DPP10: variants seen among roughly 807,000 people sequenced by gnomAD.
DPP10 encodes inactive dipeptidyl peptidase 10.
Under a neutral mutation model 120.9 loss-of-function variants are expected in DPP10, and 33 were observed. The ratio of observed to expected loss-of-function variants is 0.27; its 90% CI spans 0.21 to 0.37. The LOEUF (loss-of-function observed/expected upper bound fraction) is 0.37, where lower values mean the gene tolerates loss of function less well. Ranked by LOEUF, DPP10 falls within the 10% of genes least tolerant of loss-of-function variation. The pLI is 1.00. For synonymous variants in DPP10, 337 were observed against 326.1 expected (o/e 1.03, Z -0.36); for missense variants, 816 against 942.8 (o/e 0.87, Z 1.76).
intron 3 of DPP10, among the ~76,000 whole-genome samples, chr2:115,392,076 C>A (rs999292179): frequency 1.3e-5 from 2 of 152,144 alleles, no homozygotes; most frequent in African/African-American, 4.8e-5. Flanking sequence ...TTCTTATGGT[C>A]ATTAAGGTCC....
chr2:115,684,474 C>T (rs979259628), intron 5 of DPP10, among the ~76,000 whole-genome samples: 10 of 151,824 alleles, frequency 6.6e-5, no homozygotes, highest in African/African-American at 1.5e-4. Flanking sequence ...TTCCTCTTAC[C>T]GGCATTTTTT....
In DPP10 at chr2:115,791,326, A is replaced by G. The variant is rs1001470267; in HGVS notation, c.1670A>G (p.Asp557Gly). 6 of 1,611,486 alleles carry G rather than the reference A, an allele frequency of 3.7e-6. No homozygotes were observed. The highest frequency in any genetic ancestry group is 5.1e-6 in the Non-Finnish European group (6 of 1,179,204). ...TTGTCCCTTCCCAAAGATTTTATGG[A>G]CCGAAACCAGTATGCTCTTCTGTTA... ...LQLSLPKDFM[D>G]RNQYALLLIM... is the part of the protein sequence containing the mutation. The change falls in exon 19 of 26, where the codon GAC becomes GGC. Residue 557 changes from aspartate to glycine, a missense_variant. Physicochemically the swap from Asp to Gly is moderately conservative, Grantham distance 94. Transcript: ENST00000410059.
intron 1 of DPP10, among the ~76,000 whole-genome samples, chr2:114,916,921 C>G (rs960841540): frequency 1.2e-4 from 18 of 152,144 alleles, no homozygotes; most frequent in African/African-American, 3.9e-4. Flanking sequence ...GACAAGAATG[C>G]CCACGCTGAC....
At chr2:115,550,714 G>A (rs2079822129) in intron 5 of DPP10, among the ~76,000 whole-genome samples, 1 of 152,092 alleles carries the variant, frequency 6.6e-6, no homozygotes, top group South Asian at 2.1e-4. Context: ...GGTTGCAGCT[G>A]GTTCAGACTC....
chr2:115,062,040 T>C (rs1706451481), intron 1 of DPP10, among the ~76,000 whole-genome samples: 1 of 151,964 alleles, frequency 6.6e-6, no homozygotes, highest in South Asian at 2.1e-4. Flanking sequence ...AATTTGTTTT[T>C]ATTTTAATTT....
chr2:115,612,951 G>T (rs2084223994), intron 5 of DPP10, among the ~76,000 whole-genome samples: 1 of 151,870 alleles, frequency 6.6e-6, no homozygotes, highest in South Asian at 2.1e-4. Flanking sequence ...AGGCAGGGTT[G>T]ATAAATCAAT....
At chr2:114,851,350 A>G (rs560262757) in intron 1 of DPP10, among the ~76,000 whole-genome samples, 1 of 152,286 alleles carries the variant, frequency 6.6e-6, no homozygotes, top group East Asian at 1.9e-4. Flanking sequence ...ACTAAGATGC[A>G]CTGAATATTC....
At chr2:115,554,585 C>T (rs12466846) in intron 5 of DPP10, among the ~76,000 whole-genome samples, 114,961 of 151,852 alleles carry the variant, frequency 0.76, 45,889 homozygotes, top group Non-Finnish European at 0.88. Context: ...GCTGGTATTT[C>T]AGGAGATTTA....
At chr2:114,817,354 G>A (rs2106344090) in intron 1 of DPP10, among the ~76,000 whole-genome samples, 1 of 151,454 alleles carries the variant, frequency 6.6e-6, no homozygotes, top group Non-Finnish European at 1.5e-5. Flanking sequence ...AGATGTTAAT[G>A]AAGCTATGCC....
intron 1 of DPP10, among the ~76,000 whole-genome samples, chr2:114,753,908 C>CAAAAAAAAAAAAAAAAAAAAAAAAAA (rs777798352): frequency 3.0e-5 from 1 of 33,766 alleles, no homozygotes; most frequent in African/African-American, 8.9e-5. Flanking sequence ...GACTCCTTCT[C>CAAAAAAAAAAAAAAAAAAAAAAAAAA]AAAAAAAAAA....
intron 1 of DPP10, among the ~76,000 whole-genome samples, chr2:114,661,117 T>C (rs933658673): frequency 2.0e-5 from 3 of 152,202 alleles, no homozygotes; most frequent in African/African-American, 7.2e-5. Context: ...AAATGATATA[T>C]GCTCATTCAT....
intron 2 of DPP10, among the ~76,000 whole-genome samples, chr2:115,341,441 A>G (rs778421635): frequency 3.3e-5 from 5 of 152,168 alleles, no homozygotes; most frequent in Non-Finnish European, 5.9e-5. Context: ...GCTATCACTC[A>G]TGAACCTATA....
At chr2:114,569,447 G>A (rs1689453488) in intron 1 of DPP10, among the ~76,000 whole-genome samples, 4 of 145,178 alleles carry the variant, frequency 2.8e-5, no homozygotes, top group Admixed American at 1.4e-4. Context: ...ACAAGCAAAT[G>A]TGCTTTTAAC....
chr2:115,446,736 G>C (rs2104925154), intron 3 of DPP10, among the ~76,000 whole-genome samples: 1 of 152,240 alleles, frequency 6.6e-6, no homozygotes, highest in South Asian at 2.1e-4. Flanking sequence ...TAAAGGGAAA[G>C]GGATGTGCTT....
chr2:115,287,720 C>A (rs2060462524), intron 1 of DPP10, among the ~76,000 whole-genome samples: 1 of 151,992 alleles, frequency 6.6e-6, no homozygotes, highest in Admixed American at 6.6e-5. Context: ...CAACAATGAC[C>A]AAGCTGATAA....
chr2:115,134,912 G>C (rs978857844), intron 1 of DPP10, among the ~76,000 whole-genome samples: 1 of 152,128 alleles, frequency 6.6e-6, no homozygotes, highest in Non-Finnish European at 1.5e-5. Context: ...GAATCAGCAA[G>C]AGGCCATCGT....
chr2:115,304,741 C>T (rs1033764968), intron 1 of DPP10, among the ~76,000 whole-genome samples: 3 of 151,992 alleles, frequency 2.0e-5, no homozygotes, highest in Non-Finnish European at 4.4e-5. Flanking sequence ...AAAGCAAATC[C>T]GCTGGTTAAG....
In DPP10 at chr2:115,369,368, G is replaced by A. The variant is rs2065261779; in HGVS notation, c.271+25456G>A. On this transcript the variant is annotated intron_variant, in intron 3 of 25. Coordinates refer to ENST00000410059, the MANE Select transcript of DPP10 (RefSeq NM_020868.6). ...ATAATAAAAAAGGCATCTGCTTTAT[G>A]TATAATTAAATAGTTTTTCTATGAG... is the stretch of plus-strand genomic sequence containing the variant. 4.6e-5 allele frequency among the ~76,000 whole-genome samples: 7 copies of A among 152,154 alleles called. No individual in the cohort carries two copies. In the South Asian group the frequency reaches 1.4e-3, roughly 32 times the overall value.
chr2:114,949,852 T>A (rs1697644632), intron 1 of DPP10, among the ~76,000 whole-genome samples: 1 of 152,216 alleles, frequency 6.6e-6, no homozygotes. Flanking sequence ...CTTTCTGCCA[T>A]GCTGGCATTC....
Sources: gnomAD v4.1 joint callset for allele counts (sites outside exome capture counted in the v4.1 genomes callset) on GRCh38, gnomAD v4.1.1 for gene constraint, MANE v1.5 for transcripts, NCBI Gene and HGNC (gene_info 2026-07-23, HGNC 2026-07-21) for gene names.